The following ZEB1 variants were observed in gnomAD, a reference collection of about 807,000 sequenced individuals.
ZEB1 encodes the protein zinc finger E-box binding homeobox 1.
A neutral mutation model predicts 84.9 loss-of-function variants in ZEB1; 21 were observed. The observed-to-expected ratio is 0.25, with a 90% CI of 0.18 to 0.36. The LOEUF is 0.36. Ranked by LOEUF, ZEB1 falls within the 10% of genes least tolerant of loss-of-function variation. The pLI, the probability that ZEB1 is intolerant of heterozygous loss-of-function variation, is 1.00. For synonymous variants in ZEB1, 420 were observed against 471.1 expected, an observed-to-expected ratio of 0.89 and a Z score of 1.41; for missense variants, 1,104 against 1,330.2, an observed-to-expected ratio of 0.83 and a Z score of 2.65.
chr10:31,498,886 T>A (rs2067687669), intron 3 of ZEB1, among the ~76,000 whole-genome samples: 1 of 152,148 alleles, frequency 6.6e-6, no homozygotes, highest in East Asian at 1.9e-4. Flanking sequence ...TAAACAGTAA[T>A]TAATTGTAAT....
chr10:31,324,291 A>G (rs1291351613), intron 1 of ZEB1, among the ~76,000 whole-genome samples: 1 of 152,022 alleles, frequency 6.6e-6, no homozygotes, highest in Non-Finnish European at 1.5e-5. Context: ...CCTATGTAGT[A>G]GCTTTTGAAG....
intron 1 of ZEB1, chr10:31,321,546 G>A: frequency 1.1e-5 from 17 of 1,614,024 alleles, no homozygotes; most frequent in Non-Finnish European, 1.4e-5. Context: ...AGTTGGTTCG[G>A]AAAGAGCTGT....
At chr10:31,406,885 G>A (rs1160537492) in intron 1 of ZEB1, among the ~76,000 whole-genome samples, 1 of 151,980 alleles carries the variant, frequency 6.6e-6, no homozygotes, top group African/African-American at 2.4e-5. Context: ...TGTAAGGAAG[G>A]GTTCCAGTTT....
At chr10:31,339,855 G>A (rs2039004490) in intron 1 of ZEB1, among the ~76,000 whole-genome samples, 4 of 151,648 alleles carry the variant, frequency 2.6e-5, no homozygotes, top group African/African-American at 9.7e-5. Context: ...TTCACAGAGA[G>A]CTCTGGGTGA....
chr10:31,416,579 G>A (rs1223325356), intron 1 of ZEB1, among the ~76,000 whole-genome samples: 1 of 152,036 alleles, frequency 6.6e-6, no homozygotes, highest in Admixed American at 6.6e-5. Context: ...CAACTCTTTA[G>A]TCATTCTTCC....
intron 1 of ZEB1, among the ~76,000 whole-genome samples, chr10:31,370,425 C>CA (rs1232272421): frequency 2.6e-5 from 4 of 152,150 alleles, no homozygotes; most frequent in African/African-American, 9.6e-5. Flanking sequence ...GATGTGATGC[C>CA]ATGGAACATT....
chr10:31,453,327 C>T (rs1423162455), intron 1 of ZEB1, among the ~76,000 whole-genome samples: 1 of 152,128 alleles, frequency 6.6e-6, no homozygotes, highest in Non-Finnish European at 1.5e-5. Flanking sequence ...ATCTTTCTTC[C>T]CCACTTCCCT....
chr10:31,318,933 G>A, upstream of ZEB1: 1 of 470,582 alleles, frequency 2.1e-6, no homozygotes, highest in Non-Finnish European at 3.9e-6. Context: ...TTCTGACCGC[G>A]TCCCTACGGT....
At chr10:31,465,381 G>T (rs1396299143) in intron 2 of ZEB1, among the ~76,000 whole-genome samples, 4 of 151,514 alleles carry the variant, frequency 2.6e-5, no homozygotes, top group Admixed American at 2.6e-4. Flanking sequence ...CTATAAAATG[G>T]TTTTTGTAAG....
At chr10:31,335,452 G>A (rs1005549370) in intron 1 of ZEB1, among the ~76,000 whole-genome samples, 7 of 152,118 alleles carry the variant, frequency 4.6e-5, no homozygotes, top group African/African-American at 1.7e-4. Context: ...TCATAACCAA[G>A]TTGGGTTTAC....
At chr10:31,403,060 AG>A (rs1356805813) in intron 1 of ZEB1, among the ~76,000 whole-genome samples, 13 of 152,094 alleles carry the variant, frequency 8.5e-5, no homozygotes, top group African/African-American at 3.1e-4. Flanking sequence ...AATCTAGGAG[AG>A]GCTTACCATA....
At chr10:31,391,313 A>C (rs1184559568) in intron 1 of ZEB1, among the ~76,000 whole-genome samples, 2 of 150,726 alleles carry the variant, frequency 1.3e-5, no homozygotes, top group Non-Finnish European at 3.0e-5. Flanking sequence ...GAAATTTCAG[A>C]ATTTGAAAAT....
chr10:31,516,197 A>T (rs1009127814), intron 6 of ZEB1, among the ~76,000 whole-genome samples: 22 of 152,034 alleles, frequency 1.4e-4, no homozygotes, highest in African/African-American at 5.3e-4. Flanking sequence ...ATATGAGCTG[A>T]CTGTATGCTG....
intron 1 of ZEB1, among the ~76,000 whole-genome samples, chr10:31,453,799 G>T (rs1354689281): frequency 6.6e-6 from 1 of 152,134 alleles, no homozygotes; most frequent in Non-Finnish European, 1.5e-5. Context: ...TCCAGGACCA[G>T]ACGGATTCAC....
chr10:31,376,858 T>G (rs79299833), intron 1 of ZEB1, among the ~76,000 whole-genome samples: 3,704 of 151,822 alleles, frequency 0.024, 152 homozygotes, highest in African/African-American at 0.083. Flanking sequence ...CTTAAAAATA[T>G]CCTGCTTCAT....
chr10:31,490,359 CTCTT>C (rs2066361829), intron 2 of ZEB1, among the ~76,000 whole-genome samples: 1 of 151,526 alleles, frequency 6.6e-6, no homozygotes, highest in Non-Finnish European at 1.5e-5. Context: ...TATCCTGAGA[CTCTT>C]TATTTTTTAA....
At chr10:31,323,019 G>A (rs2034528539) in intron 1 of ZEB1, among the ~76,000 whole-genome samples, 1 of 152,022 alleles carries the variant, frequency 6.6e-6, no homozygotes, top group Non-Finnish European at 1.5e-5. Context: ...TTAGGCATAA[G>A]CATTTTCTAG....
At chr10:31,415,303 A>G (rs1172027046) in intron 1 of ZEB1, among the ~76,000 whole-genome samples, 1 of 152,126 alleles carries the variant, frequency 6.6e-6, no homozygotes, top group Non-Finnish European at 1.5e-5. Context: ...TACCCTAAGA[A>G]TTCTAGCTGC....
intron 3 of ZEB1, among the ~76,000 whole-genome samples, chr10:31,498,105 T>A (rs1052959162): frequency 6.6e-6 from 1 of 152,138 alleles, no homozygotes; most frequent in Admixed American, 6.6e-5. Context: ...TTATGCTGTG[T>A]ATATTTGCTC....
Sources: gnomAD v4.1 joint callset for allele counts (sites outside exome capture counted in the v4.1 genomes callset) on GRCh38, gnomAD v4.1.1 for gene constraint, MANE v1.5 for transcripts, NCBI Gene and HGNC (gene_info 2026-07-23, HGNC 2026-07-21) for gene names.